Variants in RGS5 observed in about 807,000 individuals in gnomAD.
RGS5 encodes regulator of G protein signaling 5.
RGS5 carries 20 observed loss-of-function variants against 18.9 expected under a neutral mutation model. The ratio of observed to expected loss-of-function variants is 1.06; its 90% confidence interval spans 0.74 to 1.54. The LOEUF (loss-of-function observed/expected upper bound fraction) is 1.54, where lower values mean the gene tolerates loss of function less well. Ranked by LOEUF, RGS5 falls within the 40% of genes most tolerant of loss-of-function variation. The probability of loss-of-function intolerance (pLI) is 0.00; values close to 1 mark genes in which losing one functional copy is unlikely to be tolerated. For synonymous variants in RGS5, 57 were observed against 76.2 expected, an observed-to-expected ratio of 0.75 and a Z score of 1.31; for missense variants, 201 against 211.8, an observed-to-expected ratio of 0.95 and a Z score of 0.32.
chr1:163,234,961 T>C (rs1323736613), intron 2 of RGS5, among the ~76,000 whole-genome samples: 1 of 152,220 alleles, frequency 6.6e-6, no homozygotes, highest in Non-Finnish European at 1.5e-5. Flanking sequence ...AAGATATCAC[T>C]GTGCCAGCCT....
intron 2 of RGS5, among the ~76,000 whole-genome samples, chr1:163,275,427 T>C (rs1648828751): frequency 6.6e-6 from 1 of 152,182 alleles, no homozygotes; most frequent in African/African-American, 2.4e-5. Context: ...TGCTGACTCA[T>C]CCTGTTCACT....
At chr1:163,224,675 C>T (rs1647296073) in intron 2 of RGS5, among the ~76,000 whole-genome samples, 1 of 152,138 alleles carries the variant, frequency 6.6e-6, no homozygotes, top group Non-Finnish European at 1.5e-5. Flanking sequence ...TATAAGAGTT[C>T]TCCTTTCTCC....
At chr1:163,261,901 CTCAT>C (rs1329352274) in intron 2 of RGS5, among the ~76,000 whole-genome samples, 1 of 151,762 alleles carries the variant, frequency 6.6e-6, no homozygotes, top group Non-Finnish European at 1.5e-5. Context: ...AAAATTATTT[CTCAT>C]TCAGTTTTTC....
rs369858962 is a variant in RGS5, at chr1:163,311,448, A to G, written c.-377-5119T>C. On this transcript the variant is annotated intron_variant, in intron 1 of 5. Transcript: ENST00000618415. ...GCACAAGAGGCCTAGCTTTTGGCCT[A>G]TCTTAGCTTTTGATATGCTTTTCTC... Among the ~76,000 whole-genome samples, 7 of 152,326 alleles carry G rather than the reference A, an allele frequency of 4.6e-5. No individual in the cohort carries two copies. The East Asian group carries it at 7.7e-4, about 17-fold the overall frequency.
At chr1:163,290,536 C>T (rs1299183388) in intron 2 of RGS5, among the ~76,000 whole-genome samples, 1 of 151,942 alleles carries the variant, frequency 6.6e-6, no homozygotes, top group Non-Finnish European at 1.5e-5. Flanking sequence ...TTATTTGTTG[C>T]CAGCAGGGGT....
At chr1:163,186,900 T>C (rs1348644933) in intron 1 of RGS5, among the ~76,000 whole-genome samples, 1 of 152,184 alleles carries the variant, frequency 6.6e-6, no homozygotes, top group Non-Finnish European at 1.5e-5. Context: ...GCAGAATCTA[T>C]CAATTGAATT....
intron 2 of RGS5, among the ~76,000 whole-genome samples, chr1:163,258,357 T>TA (rs2101703539): frequency 6.6e-6 from 1 of 152,208 alleles, no homozygotes; most frequent in South Asian, 2.1e-4. Context: ...AAATCTGGAG[T>TA]AAATAGAAAT....
chr1:163,168,292 T>C lies in RGS5; in HGVS notation c.121A>G (p.Asn41Asp), dbSNP rs35968905. 6.2e-7 allele frequency: 1 copy of C among 1,613,850 alleles called. No individual in the cohort carries two copies. The highest frequency in any genetic ancestry group is 1.3e-5 in the African/African-American group (1 of 75,026). Reference protein sequence around the residue: ...DSVGDLVIPYNEKPEKPAKTQ... With the variant: ...DSVGDLVIPYDEKPEKPAKTQ... ...TTGGCTGGTTTCTCTGGCTTCTCAT[T>C]GTACGGAATGACAAGGTCACCAACT... Residue 41 changes from asparagine to aspartate, a missense_variant, in exon 2 of 5, where the codon AAT (asparagine) becomes GAT (aspartate). By Grantham distance (23) the Asn-to-Asp change is conservative. Transcript: ENST00000313961.
In RGS5 at chr1:163,152,724, G is replaced by T; in HGVS notation, c.218-8C>A. The T allele has an allele frequency of 6.4e-7, 1 of 1,562,454 alleles. No homozygotes were observed. Among genetic ancestry groups the T allele is most frequent in the South Asian group, 1.2e-5 (1 of 80,862 alleles). On this transcript the variant is annotated splice_region_variant and splice_polypyrimidine_tract_variant and intron_variant, in intron 3 of 4. Coordinates refer to ENST00000313961, the MANE Select transcript of RGS5 (RefSeq NM_003617.4). ...TGAAACTGGCAAGTCCATCTGGAAA[G>T]AAAAAAACAGTCAGCTGGAGAAATT... is the stretch of plus-strand genomic sequence containing the variant.
chr1:163,149,811 A>G (rs1657301861), intron 4 of RGS5, among the ~76,000 whole-genome samples: 1 of 152,190 alleles, frequency 6.6e-6, no homozygotes, highest in Non-Finnish European at 1.5e-5. Flanking sequence ...TATATAGGTC[A>G]ATTTCATCAA....
intron 1 of RGS5, among the ~76,000 whole-genome samples, chr1:163,181,222 C>T (rs1464124782): frequency 6.6e-6 from 1 of 152,152 alleles, no homozygotes; most frequent in Non-Finnish European, 1.5e-5. Context: ...CTAACATCCT[C>T]AGCTGCTAAC....
chr1:163,184,736 G>C (rs1658999978), intron 1 of RGS5, among the ~76,000 whole-genome samples: 1 of 152,134 alleles, frequency 6.6e-6, no homozygotes, highest in Admixed American at 6.5e-5. Context: ...TATACTGCTG[G>C]CTGTAACATG....
At chr1:163,258,918 C>A (rs1023111909) in intron 2 of RGS5, among the ~76,000 whole-genome samples, 12 of 151,984 alleles carry the variant, frequency 7.9e-5, no homozygotes, top group African/African-American at 2.9e-4. Flanking sequence ...CTCTTGTGAT[C>A]CTCCCATGTC....
At chr1:163,292,150 C>A (rs1034727269) in intron 2 of RGS5, among the ~76,000 whole-genome samples, 5 of 152,088 alleles carry the variant, frequency 3.3e-5, no homozygotes, top group African/African-American at 1.2e-4. Flanking sequence ...AGCTACTCTA[C>A]CTTATCTTCT....
chr1:163,296,022 T>C (rs764330508), intron 2 of RGS5, among the ~76,000 whole-genome samples: 4 of 152,188 alleles, frequency 2.6e-5, no homozygotes, highest in Non-Finnish European at 5.9e-5. Context: ...AGTTCTTAGG[T>C]TGGCATCTTA....
intron 2 of RGS5, among the ~76,000 whole-genome samples, chr1:163,292,940 G>A (rs1649328129): frequency 6.6e-6 from 1 of 152,084 alleles, no homozygotes; most frequent in African/African-American, 2.4e-5. Context: ...TGGATAGATT[G>A]CAAAAATTTT....
chr1:163,257,835 T>C (rs138507457), intron 2 of RGS5, among the ~76,000 whole-genome samples: 57 of 152,358 alleles, frequency 3.7e-4, no homozygotes, highest in African/African-American at 1.3e-3. Flanking sequence ...CCTAGGGTGC[T>C]AGATAATACT....
At chr1:163,165,579 C>A (rs188011986) in intron 2 of RGS5, among the ~76,000 whole-genome samples, 3 of 152,172 alleles carry the variant, frequency 2.0e-5, no homozygotes, top group Middle Eastern at 3.4e-3. Context: ...GTGGGGAATG[C>A]GGGACTAGAA....
At chr1:163,276,914 T>C (rs1019692572) in intron 2 of RGS5, among the ~76,000 whole-genome samples, 2 of 152,300 alleles carry the variant, frequency 1.3e-5, no homozygotes, top group South Asian at 4.2e-4. Flanking sequence ...GAGAAACTAG[T>C]ACAGGTCATG....
Sources: allele counts gnomAD v4.1 joint callset (sites outside exome capture counted in the v4.1 genomes callset), GRCh38; gene constraint gnomAD v4.1.1; transcripts MANE v1.5; gene names NCBI Gene and HGNC (gene_info 2026-07-23, HGNC 2026-07-21).